Variants in ATG7 observed in about 807,000 individuals in gnomAD.
ATG7 encodes autophagy related 7.
A neutral mutation model predicts 82.4 loss-of-function variants in ATG7; 70 were observed. That is an observed-to-expected ratio of 0.85 (90% confidence interval 0.70 to 1.04). The LOEUF is 1.04. Ranked by LOEUF, ATG7 falls within the 50% of genes least tolerant of loss-of-function variation. The pLI, the probability that ATG7 is intolerant of heterozygous loss-of-function variation, is 0.00. For synonymous variants in ATG7, 287 were observed against 313.0 expected (o/e 0.92, Z 0.88); for missense variants, 792 against 864.3 (o/e 0.92, Z 1.05).
chr3:11,413,630 C>T (rs576593496), intron 19 of ATG7, among the ~76,000 whole-genome samples: 5 of 152,294 alleles, frequency 3.3e-5, no homozygotes, highest in Non-Finnish European at 4.4e-5. Context: ...GCAAAGTCAA[C>T]ACAGTTTACT....
chr3:11,302,454 G>A (rs1431805987), intron 5 of ATG7, among the ~76,000 whole-genome samples: 1 of 152,124 alleles, frequency 6.6e-6, no homozygotes, highest in Non-Finnish European at 1.5e-5. Flanking sequence ...GGTAGAGAAA[G>A]TCTTTATGAA....
At chr3:11,395,968 T>TGG (rs1559533589) in intron 19 of ATG7, among the ~76,000 whole-genome samples, 1 of 76,688 alleles carries the variant, frequency 1.3e-5, no homozygotes, top group African/African-American at 5.9e-5. Flanking sequence ...AAAAAAAAGG[T>TGG]AGGGGGGGAA....
At chr3:11,375,347 T>A (rs1410760682) in intron 18 of ATG7, among the ~76,000 whole-genome samples, 1 of 152,224 alleles carries the variant, frequency 6.6e-6, no homozygotes, top group Non-Finnish European at 1.5e-5. Flanking sequence ...GGCAAATGAT[T>A]TAAATAGACA....
chr3:11,542,529 C>T (rs781763762), intron 20 of ATG7, among the ~76,000 whole-genome samples: 21 of 152,072 alleles, frequency 1.4e-4, no homozygotes, highest in Non-Finnish European at 2.5e-4. Context: ...ATGTACCTTG[C>T]CATGGGCCAT....
chr3:11,322,477 T>C (rs938357925), intron 9 of ATG7, among the ~76,000 whole-genome samples: 16 of 152,236 alleles, frequency 1.1e-4, no homozygotes, highest in Non-Finnish European at 2.2e-4. Context: ...GCAAAGGTTT[T>C]CAGCTATTCT....
intron 20 of ATG7, among the ~76,000 whole-genome samples, chr3:11,539,701 G>A (rs1047309816): frequency 6.6e-6 from 1 of 152,154 alleles, no homozygotes; most frequent in Non-Finnish European, 1.5e-5. Context: ...AGCTATATTC[G>A]TTTTCTCTTA....
At position 11,382,020 on chromosome 3, in the gene ATG7, T is replaced by C. The variant is rs1291632290; in HGVS notation, c.1956+1968T>C. On this transcript the variant is annotated intron_variant, in intron 19 of 20. Coordinates refer to ENST00000693202, the MANE Select transcript of ATG7 (RefSeq NM_001349232.2). ...ATAATACATGTTATACAGAGTCATG[T>C]CATAGTTGTTGTTTCAAAAGATTGG... 3.3e-5 allele frequency among the ~76,000 whole-genome samples: 5 copies of C among 152,360 alleles called. No individual in the cohort carries two copies. The South Asian group carries it at 1.0e-3, about 32-fold the overall frequency.
intron 20 of ATG7, among the ~76,000 whole-genome samples, chr3:11,540,601 A>G (rs2070732614): frequency 6.6e-6 from 1 of 151,624 alleles, no homozygotes; most frequent in Non-Finnish European, 1.5e-5. Flanking sequence ...TGATCGCACC[A>G]CTGTCCTCCA....
intron 16 of ATG7, 125 bp downstream of exon 16, chr3:11,360,909 C>A: frequency 9.1e-7 from 1 of 1,101,888 alleles, no homozygotes; most frequent in Non-Finnish European, 1.3e-6. Flanking sequence ...AAGAATTCTC[C>A]AATTTGGGGA....
chr3:11,524,814 A>AC (rs397977670), intron 20 of ATG7, among the ~76,000 whole-genome samples: 7 of 151,852 alleles, frequency 4.6e-5, no homozygotes, highest in Non-Finnish European at 8.8e-5. Context: ...ACAAAAAAAA[A>AC]CAAAACAGGC....
At chr3:11,542,858 C>T (rs766216833) in intron 20 of ATG7, among the ~76,000 whole-genome samples, 1 of 151,410 alleles carries the variant, frequency 6.6e-6, no homozygotes, top group Non-Finnish European at 1.5e-5. Context: ...TGCTGACCTT[C>T]CTCTGGGTCT....
chr3:11,543,685 A>AG (rs1443522154), intron 20 of ATG7, among the ~76,000 whole-genome samples: 3 of 152,168 alleles, frequency 2.0e-5, no homozygotes, highest in African/African-American at 7.2e-5. Context: ...GGATCACCTG[A>AG]GGTCAGGAGT....
chr3:11,541,973 C>T (rs1057471179), intron 20 of ATG7, among the ~76,000 whole-genome samples: 1 of 152,232 alleles, frequency 6.6e-6, no homozygotes, highest in Non-Finnish European at 1.5e-5. Context: ...ACCCTGTATT[C>T]TTACCATCTA....
chr3:11,303,456 T>A (rs1947120526), intron 5 of ATG7, among the ~76,000 whole-genome samples: 3 of 151,648 alleles, frequency 2.0e-5, no homozygotes, highest in Admixed American at 2.0e-4. Context: ...GATCACGAGG[T>A]CAGGAGATCA....
chr3:11,315,572 A>G (rs961774638), intron 9 of ATG7, 79 bp downstream of exon 9: 20 of 1,270,560 alleles, frequency 1.6e-5, no homozygotes, highest in Non-Finnish European at 1.9e-5. Flanking sequence ...GACCACTGCA[A>G]AATTCAAACT....
intron 20 of ATG7, among the ~76,000 whole-genome samples, chr3:11,553,381 G>A (rs1214994957): frequency 6.6e-6 from 1 of 150,584 alleles, no homozygotes. Flanking sequence ...ATGAATGTGT[G>A]TTCGTTGAAT....
chr3:11,407,409 TCC>T (rs2080448509), intron 19 of ATG7, among the ~76,000 whole-genome samples: 1 of 152,168 alleles, frequency 6.6e-6, no homozygotes, highest in African/African-American at 2.4e-5. Flanking sequence ...GTCTGGCTCT[TCC>T]AGGCACACAG....
At chr3:11,573,218 GAA>G in the ATG7 span, among the ~76,000 whole-genome samples, 1 of 144,908 alleles carries the variant, frequency 6.9e-6, no homozygotes, top group African/African-American at 2.6e-5. Flanking sequence ...GAGAGAGAGA[GAA>G]AGACAGACAG....
chr3:11,354,598 G>A (rs376158049), intron 14 of ATG7, among the ~76,000 whole-genome samples: 99 of 137,530 alleles, frequency 7.2e-4, no homozygotes, highest in African/African-American at 2.1e-3. Flanking sequence ...GCAGTGAGCC[G>A]AGATCACGCC....
Sources: gnomAD v4.1 joint callset for allele counts (sites outside exome capture counted in the v4.1 genomes callset) on GRCh38, gnomAD v4.1.1 for gene constraint, MANE v1.5 for transcripts, NCBI Gene and HGNC (gene_info 2026-07-23, HGNC 2026-07-21) for gene names.